SERF2: variants seen among roughly 807,000 people sequenced by gnomAD.
SERF2 encodes the protein gastric cancer-related protein VRG107.
SERF2 carries 4 observed loss-of-function variants against 10.7 expected under a neutral mutation model. That is an observed-to-expected ratio of 0.37 (90% confidence interval 0.18 to 0.86). The LOEUF (loss-of-function observed/expected upper bound fraction) is 0.86, where lower values mean the gene tolerates loss of function less well. SERF2 is among the 40% of genes least tolerant of loss of function. SERF2 has a pLI of 0.43. For missense variants in SERF2, 47 were observed against 79.1 expected (o/e 0.59, Z 1.54); for synonymous variants, 26 against 26.0 (o/e 1.00, Z 0.01).
chr15:43,782,475 T>C (rs1223265603), intron 1 of SERF2, among the ~76,000 whole-genome samples: 1 of 152,208 alleles, frequency 6.6e-6, no homozygotes, highest in African/African-American at 2.4e-5. Flanking sequence ...TACCCTCTTC[T>C]AGGAGTATAA....
chr15:43,793,416 T>G (rs560098489), intron 2 of SERF2: 1 of 706,152 alleles, frequency 1.4e-6, no homozygotes, highest in Non-Finnish European at 2.3e-6. Context: ...TCGGTTCTCC[T>G]CCCTTCTCCC....
At chr15:43,780,003 A>T (rs2086951777) in intron 1 of SERF2, among the ~76,000 whole-genome samples, 1 of 152,210 alleles carries the variant, frequency 6.6e-6, no homozygotes, top group Non-Finnish European at 1.5e-5. Flanking sequence ...TTGATATTAG[A>T]CTTGCTGTTA....
chr15:43,793,524 A>C, intron 2 of SERF2, 186 bp from the exon 3 acceptor site: 1 of 1,470,362 alleles, frequency 6.8e-7, no homozygotes, highest in Non-Finnish European at 9.0e-7. Flanking sequence ...CAACAGCCAG[A>C]TGGAGACTGG....
At chr15:43,793,245 G>C in intron 2 of SERF2, 162 bp downstream of exon 2, 1 of 598,534 alleles carries the variant, frequency 1.7e-6, no homozygotes, top group Non-Finnish European at 3.0e-6. Context: ...CCTCCAAATT[G>C]TTAGCTCACA....
exon 1 of SERF2, chr15:43,777,111 C>T (rs780809743): frequency 2.6e-6 from 2 of 774,554 alleles, no homozygotes; most frequent in Non-Finnish European, 2.2e-6. Context: ...GCCAACCGCC[C>T]GGACCTCGGC....
At chr15:43,789,780 G>C (rs908320670), upstream of SERF2, among the ~76,000 whole-genome samples, 1 of 152,058 alleles carries the variant, frequency 6.6e-6, no homozygotes, top group Non-Finnish European at 1.5e-5. Flanking sequence ...GGCTGGGGTG[G>C]GTAGATCACT....
intron 1 of SERF2, chr15:43,792,727 A>G (rs981836640): frequency 4.8e-5 from 44 of 911,702 alleles, no homozygotes; most frequent in Admixed American, 8.9e-5. Context: ...TTTGGGCCCC[A>G]CGCCGCCCCA....
intron 2 of SERF2, 125 bp downstream of exon 2, chr15:43,793,208 T>A (rs1207349952): frequency 1.6e-6 from 1 of 634,142 alleles, no homozygotes; most frequent in Non-Finnish European, 2.8e-6. Context: ...GTGCATTGCT[T>A]CCTCTAGGGT....
chr15:43,790,202 G>C (rs948758240), upstream of SERF2, among the ~76,000 whole-genome samples: 3 of 151,432 alleles, frequency 2.0e-5, no homozygotes, highest in East Asian at 5.8e-4. Context: ...CCAGCTACTC[G>C]GGAGGCTGAG....
chr15:43,792,602 C>T (rs1210428218), intron 1 of SERF2: 6 of 1,442,452 alleles, frequency 4.2e-6, no homozygotes, highest in East Asian at 2.5e-5. Context: ...CCTCCCGGAT[C>T]TTCCGCGGTG....
At chr15:43,783,849 C>T (rs2086983691) in intron 1 of SERF2, among the ~76,000 whole-genome samples, 1 of 151,466 alleles carries the variant, frequency 6.6e-6, no homozygotes, top group Non-Finnish European at 1.5e-5. Flanking sequence ...GAAACCTCCA[C>T]CTCTGGGTTC....
upstream of SERF2, among the ~76,000 whole-genome samples, chr15:43,790,028 G>A (rs1439270950): frequency 6.6e-6 from 1 of 151,924 alleles, no homozygotes; most frequent in East Asian, 1.9e-4. Context: ...TGTAGGCCCA[G>A]CTACTCGGGA....
At chr15:43,792,141 A>C, upstream of SERF2, 7 of 506,758 alleles carry the variant, frequency 1.4e-5, no homozygotes, top group East Asian at 3.9e-5. Context: ...CTCACTCGGG[A>C]AGCCCCGCCC....
intron 1 of SERF2, among the ~76,000 whole-genome samples, chr15:43,783,945 T>G (rs1447441157): frequency 7.3e-6 from 1 of 137,780 alleles, no homozygotes; most frequent in Admixed American, 7.5e-5. Context: ...TTTTTTTTTT[T>G]TTTTTTTTTT....
chr15:43,795,005 C>T lies in SERF2; in HGVS notation c.*1232C>T. The T allele has an allele frequency of 6.2e-7, 1 of 1,609,740 alleles. No homozygotes were observed. The highest frequency in any genetic ancestry group is 8.5e-7 in the Non-Finnish European group (1 of 1,178,812). ...CCCCAGTTTGTGAAAAGGACTTAGACTGGAGGATATTTGTTATCTGGGGAT... is the reference window on the plus strand; with the variant it reads ...CCCCAGTTTGTGAAAAGGACTTAGATTGGAGGATATTTGTTATCTGGGGAT... On this transcript the variant is annotated 3_prime_UTR_variant, in exon 3 of 3. Transcript: ENST00000249786.
rs2087121988 is a variant in SERF2 at position 43,793,523 on chromosome 15, G to C, written c.117-187G>C. 1.3e-5 allele frequency: 19 copies of C among 1,469,872 alleles called. No homozygotes were observed. In the South Asian group the frequency reaches 1.4e-4, roughly 11 times the overall value. 91.1% of individuals were successfully genotyped at this position (1,469,872 alleles called of 1,614,324 possible). A position where few individuals can be genotyped will look rare whatever the true frequency, so the allele number is the denominator to read the frequency against. On this transcript the variant is annotated intron_variant, in intron 2 of 2. Coordinates refer to ENST00000249786, the MANE Select transcript of SERF2 (RefSeq NM_001018108.4). ...CTTCTGACCCCTTGGGCAACAGCCA[G>C]ATGGAGACTGGTCGCCTTTTGAGCC...
intron 2 of SERF2, 104 bp from the exon 3 acceptor site, chr15:43,793,606 T>TA (rs1326880764): frequency 6.2e-7 from 1 of 1,603,708 alleles, no homozygotes; most frequent in East Asian, 2.2e-5. Flanking sequence ...ACGCTGAACT[T>TA]AGTCCCATCC....
In SERF2 at chr15:43,793,803, C is replaced by T. The variant is rs768037613; in HGVS notation, c.*30C>T. The T allele has an allele frequency of 5.0e-6, 8 of 1,614,058 alleles. No homozygotes were observed. The highest frequency in any genetic ancestry group is 1.7e-5 in the Admixed American group (1 of 59,996). Reference sequence around the variant, plus strand: ...GTGGCTTCGTGTCCAACCCTCTTGCCCTTCGCCTGTGTGCCTGGAGCCAGT... The same window carrying T: ...GTGGCTTCGTGTCCAACCCTCTTGCTCTTCGCCTGTGTGCCTGGAGCCAGT... On this transcript the variant is annotated 3_prime_UTR_variant, in exon 3 of 3. Coordinates refer to ENST00000249786, the MANE Select transcript of SERF2 (RefSeq NM_001018108.4).
At position 43,795,849 on chromosome 15, in the gene SERF2, G is replaced by A; in HGVS notation, c.*2076G>A. ...AGTATTAAAAAGTGGAGGCACACCT[G>A]GGTTCAAATTCTAGCTCCAGCATAT... On this transcript the variant is annotated 3_prime_UTR_variant, in exon 3 of 3. Coordinates refer to ENST00000249786, the MANE Select transcript of SERF2 (RefSeq NM_001018108.4). The A allele has an allele frequency of 9.2e-7, 1 of 1,081,150 alleles. No individual in the cohort carries two copies. The highest frequency in any genetic ancestry group is 1.3e-6 in the Non-Finnish European group (1 of 754,504). The allele number at this position is 1,081,150 out of a possible 1,614,324, so 67.0% of individuals were successfully genotyped here.
Sources: gnomAD v4.1 joint callset for allele counts (sites outside exome capture counted in the v4.1 genomes callset) on GRCh38, gnomAD v4.1.1 for gene constraint, MANE v1.5 for transcripts, NCBI Gene and HGNC (gene_info 2026-07-23, HGNC 2026-07-21) for gene names.